The following STAT5B variants were observed in gnomAD, a reference collection of about 807,000 sequenced individuals.
The protein encoded by STAT5B is transcription factor STAT5B.
In STAT5B, 21 loss-of-function variants were observed where a neutral mutation model predicts 107.8. That is an observed-to-expected ratio of 0.19 (90% CI 0.14 to 0.28). The LOEUF (loss-of-function observed/expected upper bound fraction) is 0.28. Ranked by LOEUF, STAT5B falls within the 10% of genes least tolerant of loss-of-function variation. The pLI is 1.00. For missense variants in STAT5B, 565 were observed against 1,008.2 expected, an observed-to-expected ratio of 0.56 and a Z score of 5.95; for synonymous variants, 325 against 401.7, an observed-to-expected ratio of 0.81 and a Z score of 2.28.
At chr17:42,202,736 C>T (rs765773415) in intron 17 of STAT5B, 21 bp downstream of exon 17, 6 of 1,613,594 alleles carry the variant, frequency 3.7e-6, no homozygotes. Context: ...GAAGGAGAGC[C>T]ACAGCCACCT....
upstream of STAT5B, among the ~76,000 whole-genome samples, chr17:42,279,192 A>G (rs970555957): frequency 9.0e-5 from 13 of 144,486 alleles, no homozygotes; most frequent in Non-Finnish European, 4.5e-5. Context: ...CAAAAAAAGA[A>G]AAAAAAAAAA....
At chr17:42,259,886 A>G (rs2080579366) in intron 1 of STAT5B, among the ~76,000 whole-genome samples, 1 of 152,116 alleles carries the variant, frequency 6.6e-6, no homozygotes, top group South Asian at 2.1e-4. Context: ...AAGTTCCAGG[A>G]TACATGTGCA....
intron 9 of STAT5B, 97 bp from the exon 10 acceptor site, chr17:42,217,561 T>G: frequency 7.4e-7 from 1 of 1,353,778 alleles, no homozygotes; most frequent in East Asian, 2.3e-5. Context: ...ATAGAGAAGT[T>G]TGCTAAAAAT....
intron 1 of STAT5B, among the ~76,000 whole-genome samples, chr17:42,258,665 C>G (rs893375455): frequency 6.6e-6 from 1 of 152,312 alleles, no homozygotes; most frequent in South Asian, 2.1e-4. Flanking sequence ...GGAAACAGAG[C>G]GAGACTCCGT....
intron 1 of STAT5B, among the ~76,000 whole-genome samples, chr17:42,241,909 C>T (rs1040568642): frequency 6.6e-6 from 1 of 151,808 alleles, no homozygotes; most frequent in Admixed American, 6.6e-5. Flanking sequence ...CTAAATACTA[C>T]CCTATATGCA....
chr17:42,212,847 C>T (rs116211813), intron 12 of STAT5B, among the ~76,000 whole-genome samples: 2,116 of 152,326 alleles, frequency 0.014, 43 homozygotes, highest in African/African-American at 0.049. Context: ...CAGACGGCTA[C>T]ACAGTGAAGT....
the STAT5B span, among the ~76,000 whole-genome samples, chr17:42,286,194 T>C: frequency 4.1e-5 from 6 of 145,292 alleles, no homozygotes; most frequent in South Asian, 1.3e-3. Context: ...GATCGCGCCA[T>C]TGCACTCCAG....
upstream of STAT5B, among the ~76,000 whole-genome samples, chr17:42,281,228 G>A (rs532493179): frequency 2.6e-5 from 4 of 152,146 alleles, no homozygotes; most frequent in East Asian, 1.9e-4. Context: ...TTCCCATCAC[G>A]TGTAAATCAT....
At chr17:42,232,366 A>C (rs2080324522) in intron 1 of STAT5B, among the ~76,000 whole-genome samples, 2 of 152,004 alleles carry the variant, frequency 1.3e-5, no homozygotes, top group African/African-American at 4.8e-5. Flanking sequence ...CTCCTGTCTC[A>C]GCCTCCTGAG....
At chr17:42,220,040 C>T (rs2080211388) in intron 5 of STAT5B, among the ~76,000 whole-genome samples, 198 bp from the exon 6 acceptor site, 2 of 152,222 alleles carry the variant, frequency 1.3e-5, no homozygotes, top group South Asian at 4.1e-4. Context: ...TGCTCGCCAG[C>T]CTCCTGACTC....
intron 1 of STAT5B, among the ~76,000 whole-genome samples, chr17:42,253,025 T>C (rs1274735355): frequency 6.6e-6 from 1 of 152,228 alleles, no homozygotes; most frequent in Non-Finnish European, 1.5e-5. Flanking sequence ...CAAAACAAGA[T>C]GATGAGGTTC....
At chr17:42,277,394 T>C (rs1598347889), upstream of STAT5B, among the ~76,000 whole-genome samples, 2 of 152,192 alleles carry the variant, frequency 1.3e-5, no homozygotes, top group South Asian at 4.1e-4. Flanking sequence ...AAAACGTTCA[T>C]GTCCAGAGAT....
intron 1 of STAT5B, among the ~76,000 whole-genome samples, chr17:42,262,962 GTGTGTGTGTA>G (rs2080624608): frequency 3.9e-5 from 2 of 51,636 alleles, no homozygotes; most frequent in East Asian, 5.7e-4. Context: ...GTGTGTGTGT[GTGTGTGTGTA>G]TATATATATA....
chr17:42,279,200 A>T (rs1440359619), upstream of STAT5B, among the ~76,000 whole-genome samples: 3 of 152,072 alleles, frequency 2.0e-5, no homozygotes, highest in South Asian at 6.2e-4. Flanking sequence ...GAAAAAAAAA[A>T]AAAAGTACAG....
rs374026862 is a variant in STAT5B at position 42,259,292 on chromosome 17, G to A, written c.-11+16956C>T. Among the ~76,000 whole-genome samples, 11 of 152,246 alleles carry A rather than the reference G, an allele frequency of 7.2e-5. 1 individual carries two copies. The East Asian group carries it at 1.5e-3, about 21-fold the overall frequency. ...GTTGGGATTACAGGCGTGAGCCACT[G>A]CACCTGGCCAGAGAGGGCTTTTCTA... is the stretch of plus-strand genomic sequence containing the variant. On this transcript the variant is annotated intron_variant, in intron 1 of 18. Coordinates refer to ENST00000293328, the MANE Select transcript of STAT5B (RefSeq NM_012448.4).
chr17:42,274,471 T>C (rs7209222), intron 1 of STAT5B, among the ~76,000 whole-genome samples: 54,120 of 151,768 alleles, frequency 0.36, 10,807 homozygotes, highest in African/African-American at 0.54. Context: ...ACATAGGAAG[T>C]TTTTCTTAAA....
chr17:42,226,038 G>T (rs1167025080), intron 3 of STAT5B, among the ~76,000 whole-genome samples: 3 of 152,148 alleles, frequency 2.0e-5, no homozygotes, highest in Non-Finnish European at 4.4e-5. Context: ...AGGTTTAAGA[G>T]ATTCTCCTGC....
intron 1 of STAT5B, among the ~76,000 whole-genome samples, chr17:42,263,871 G>GCGCGCACACACACA (rs1007528555): frequency 3.4e-5 from 5 of 144,936 alleles, no homozygotes; most frequent in African/African-American, 1.3e-4. Flanking sequence ...TAGAAAGCGC[G>GCGCGCACACACACA]CACACACACA....
chr17:42,203,043 A>C, intron 16 of STAT5B: 1 of 555,454 alleles, frequency 1.8e-6, no homozygotes, highest in South Asian at 1.9e-5. Context: ...CCCAGGTTCA[A>C]ATGATTCCGA....
Sources: allele counts gnomAD v4.1 joint callset (sites outside exome capture counted in the v4.1 genomes callset), GRCh38; gene constraint gnomAD v4.1.1; transcripts MANE v1.5; gene names NCBI Gene and HGNC (gene_info 2026-07-23, HGNC 2026-07-21).